Variants in DLG2 observed in about 807,000 individuals in gnomAD.
DLG2 encodes discs large MAGUK scaffold protein 2.
A neutral mutation model predicts 132.5 loss-of-function variants in DLG2; 45 were observed. That is an observed-to-expected ratio of 0.34 (90% CI 0.27 to 0.44). The LOEUF is 0.44. Among genes scored for constraint, DLG2 ranks in the 20% least tolerant of loss-of-function variants. The probability of loss-of-function intolerance (pLI) is 1.00; values close to 1 mark genes in which losing one functional copy is unlikely to be tolerated. For synonymous variants in DLG2, 424 were observed against 419.6 expected, an observed-to-expected ratio of 1.01 and a Z score of -0.13; for missense variants, 1,045 against 1,196.9, an observed-to-expected ratio of 0.87 and a Z score of 1.87.
chr11:84,332,746 G>A, intron 7 of DLG2, among the ~76,000 whole-genome samples: 1 of 152,138 alleles, frequency 6.6e-6, no homozygotes, highest in East Asian at 1.9e-4. Flanking sequence ...TTGTCTATGA[G>A]GTAGGCAGCA....
chr11:85,442,714 A>G (rs1026616150), intron 3 of DLG2, among the ~76,000 whole-genome samples: 1 of 151,906 alleles, frequency 6.6e-6, no homozygotes, highest in Non-Finnish European at 1.5e-5. Context: ...AAAAAAAAAT[A>G]AAAAATAAAT....
At chr11:84,600,200 G>A (rs931378917) in intron 6 of DLG2, among the ~76,000 whole-genome samples, 1 of 136,516 alleles carries the variant, frequency 7.3e-6, no homozygotes, top group Non-Finnish European at 1.5e-5. Context: ...AAGAAAGAAA[G>A]AAAGAAAGAA....
intron 8 of DLG2, among the ~76,000 whole-genome samples, chr11:84,187,549 T>G (rs1220652654): frequency 6.6e-6 from 1 of 152,066 alleles, no homozygotes; most frequent in Non-Finnish European, 1.5e-5. Flanking sequence ...TTGGTCATCT[T>G]AAAACCAAGA....
chr11:84,682,471 G>A (rs770380407), intron 6 of DLG2, among the ~76,000 whole-genome samples: 2 of 152,170 alleles, frequency 1.3e-5, no homozygotes, highest in Non-Finnish European at 2.9e-5. Flanking sequence ...AGCTGGCAAG[G>A]GAAGGGTCCT....
chr11:84,923,322 A>G, intron 6 of DLG2: 3 of 1,362,012 alleles, frequency 2.2e-6, no homozygotes, highest in Non-Finnish European at 2.8e-6. Context: ...CATTGGCTAT[A>G]TATAGCATTA....
At chr11:83,632,197 C>G (rs2063683165) in intron 19 of DLG2, 1 of 152,242 alleles carries the variant, frequency 6.6e-6, no homozygotes. Context: ...GCTGTGAATA[C>G]CAAATACATA....
chr11:85,099,261 C>T (rs349080), intron 6 of DLG2, among the ~76,000 whole-genome samples: 76,910 of 151,952 alleles, frequency 0.51, 19,915 homozygotes, highest in East Asian at 0.63. Context: ...GAACAGCTTT[C>T]GCTGCGTGGA....
intron 11 of DLG2, among the ~76,000 whole-genome samples, chr11:84,007,069 T>C (rs532687119): frequency 1.1e-3 from 171 of 151,858 alleles, no homozygotes; most frequent in African/African-American, 3.7e-3. Context: ...ATCACCCTTA[T>C]AGGGCTCTTT....
At chr11:85,129,117 T>C (rs1022310287) in intron 5 of DLG2, among the ~76,000 whole-genome samples, 1 of 152,202 alleles carries the variant, frequency 6.6e-6, no homozygotes, top group Admixed American at 6.5e-5. Context: ...TTCTTTCTCT[T>C]TCTCAGAAGT....
intron 6 of DLG2, among the ~76,000 whole-genome samples, chr11:84,961,099 G>A (rs1475843409): frequency 6.6e-6 from 1 of 151,622 alleles, no homozygotes; most frequent in Admixed American, 6.6e-5. Context: ...GTAGGCTCAC[G>A]CTCCATGCTT....
intron 18 of DLG2, among the ~76,000 whole-genome samples, chr11:83,783,074 T>C (rs2094902918): frequency 6.6e-6 from 1 of 152,230 alleles, no homozygotes; most frequent in South Asian, 2.1e-4. Flanking sequence ...TTCCTCTTCT[T>C]ATGAAAGTAA....
At chr11:83,896,661 T>C (rs1376674759) in intron 15 of DLG2, among the ~76,000 whole-genome samples, 1 of 151,954 alleles carries the variant, frequency 6.6e-6, no homozygotes, top group Non-Finnish European at 1.5e-5. Flanking sequence ...ATAGAGAAAA[T>C]AGTTTAGTGG....
chr11:84,861,809 C>T (rs1370996949), intron 6 of DLG2, among the ~76,000 whole-genome samples: 1 of 151,896 alleles, frequency 6.6e-6, no homozygotes, highest in African/African-American at 2.4e-5. Context: ...TATGAACAGA[C>T]ACTTCTCAAA....
At chr11:84,180,390 A>G (rs888815359) in intron 8 of DLG2, among the ~76,000 whole-genome samples, 18 of 152,150 alleles carry the variant, frequency 1.2e-4, no homozygotes, top group African/African-American at 4.3e-4. Flanking sequence ...TGAGACATCT[A>G]CAAAGGTGTA....
intron 4 of DLG2, among the ~76,000 whole-genome samples, chr11:85,217,052 A>G (rs1171913280): frequency 1.3e-5 from 2 of 152,184 alleles, no homozygotes; most frequent in Admixed American, 1.3e-4. Flanking sequence ...TTGAAAACTC[A>G]TAAGACTTTT....
At chr11:84,905,687 TG>T (rs1181524825) in intron 6 of DLG2, among the ~76,000 whole-genome samples, 6 of 152,190 alleles carry the variant, frequency 3.9e-5, no homozygotes, top group African/African-American at 1.4e-4. Flanking sequence ...AAAGTAAGCA[TG>T]GGCTGACTTC....
chr11:85,093,308 TG>T (rs2069132537), intron 6 of DLG2, among the ~76,000 whole-genome samples: 2 of 71,522 alleles, frequency 2.8e-5, no homozygotes, highest in Non-Finnish European at 4.7e-5. Context: ...AGGGAGTTTT[TG>T]TTTTTTTTTT....
intron 3 of DLG2, among the ~76,000 whole-genome samples, chr11:85,396,848 C>G (rs1258641371): frequency 6.6e-6 from 1 of 152,024 alleles, no homozygotes; most frequent in African/African-American, 2.4e-5. Flanking sequence ...AGTTAGAAAA[C>G]ACTCTTCAAG....
chr11:83,757,782 T>C (rs968326024), intron 18 of DLG2, among the ~76,000 whole-genome samples: 23 of 152,098 alleles, frequency 1.5e-4, no homozygotes, highest in Admixed American at 1.4e-3. Flanking sequence ...TCATCAGACT[T>C]TGATGCCTAA....
Sources: allele counts gnomAD v4.1 joint callset (sites outside exome capture counted in the v4.1 genomes callset), GRCh38; gene constraint gnomAD v4.1.1; transcripts MANE v1.5; gene names NCBI Gene and HGNC (gene_info 2026-07-23, HGNC 2026-07-21).